TBC1D21: variants seen among roughly 807,000 people sequenced by gnomAD.
TBC1D21 encodes male germ cell Rab GTPase-activating protein.
Under a neutral mutation model 46.0 loss-of-function variants are expected in TBC1D21, and 38 were observed. The ratio of observed to expected loss-of-function variants is 0.83; its 90% confidence interval spans 0.64 to 1.08. The LOEUF (loss-of-function observed/expected upper bound fraction) is 1.08. Ranked by LOEUF, TBC1D21 falls within the 50% of genes least tolerant of loss-of-function variation. The pLI is 0.00. For missense variants in TBC1D21, 415 were observed against 417.9 expected (o/e 0.99, Z 0.06); for synonymous variants, 151 against 157.2 (o/e 0.96, Z 0.29).
chr15:73,889,846 G>A (rs919428556), downstream of TBC1D21, among the ~76,000 whole-genome samples: 1 of 152,210 alleles, frequency 6.6e-6, no homozygotes, highest in African/African-American at 2.4e-5. Flanking sequence ...CATCACACCT[G>A]CTCCCCCAGG....
rs1192097790 is a variant in TBC1D21, at chr15:73,884,144, C to A, written c.273-7C>A. The A allele has an allele frequency of 1.2e-6, 2 of 1,613,204 alleles. No individual in the cohort carries two copies. Among genetic ancestry groups the A allele is most frequent in the Non-Finnish European group, 1.7e-6 (2 of 1,179,186 alleles). ...CACCTTGTTCAGCCTCAGTTCTGTTCTCACAGGAAGAACTACAAGGCCTTA... is the reference window on the plus strand; with the variant it reads ...CACCTTGTTCAGCCTCAGTTCTGTTATCACAGGAAGAACTACAAGGCCTTA... On this transcript the variant is annotated splice_region_variant and splice_polypyrimidine_tract_variant and intron_variant, in intron 3 of 10. Transcript: ENST00000300504.
chr15:73,892,279 G>A (rs144349539), downstream of TBC1D21, among the ~76,000 whole-genome samples: 265 of 152,332 alleles, frequency 1.7e-3, 1 homozygote, highest in African/African-American at 6.3e-3. Flanking sequence ...CTTCCTGGAT[G>A]TGGGACAAAA....
the TBC1D21 span, among the ~76,000 whole-genome samples, chr15:73,906,011 C>T: frequency 5.9e-5 from 9 of 152,190 alleles, no homozygotes; most frequent in Admixed American, 1.3e-4. Context: ...GAAACCCAGG[C>T]TCTCAGCAAG....
chr15:73,885,970 A>T (rs945030537), intron 6 of TBC1D21, 108 bp from the exon 7 acceptor site: 1 of 833,786 alleles, frequency 1.2e-6, no homozygotes, highest in Non-Finnish European at 2.0e-6. Flanking sequence ...CCCAGCGCAC[A>T]GACAGACACA....
the TBC1D21 span, among the ~76,000 whole-genome samples, chr15:73,906,214 T>A: frequency 0.012 from 1,809 of 152,278 alleles, 26 homozygotes; most frequent in Non-Finnish European, 0.019. Context: ...TGAGTTCTGG[T>A]CACAGGTGAC....
intron 7 of TBC1D21, 144 bp from the exon 8 acceptor site, chr15:73,886,368 C>G (rs887326393): frequency 3.6e-5 from 31 of 870,190 alleles, no homozygotes; most frequent in Non-Finnish European, 5.3e-5. Context: ...TCTAAACCAT[C>G]TCCCAGGGCA....
At chr15:73,906,501 A>C in the TBC1D21 span, among the ~76,000 whole-genome samples, 2 of 152,160 alleles carry the variant, frequency 1.3e-5, no homozygotes, top group African/African-American at 4.8e-5. Context: ...GACCAGCCCC[A>C]CTGGTTACAT....
chr15:73,890,157 C>T (rs572059282), downstream of TBC1D21, among the ~76,000 whole-genome samples: 162 of 152,310 alleles, frequency 1.1e-3, no homozygotes, highest in Admixed American at 1.7e-3. Context: ...GCATGGCCAT[C>T]CCTCTCACTC....
At chr15:73,907,416 T>C in the TBC1D21 span, among the ~76,000 whole-genome samples, 71 of 152,352 alleles carry the variant, frequency 4.7e-4, no homozygotes, top group African/African-American at 1.6e-3. Context: ...GAAACGGGCA[T>C]AGACTTTGAA....
chr15:73,904,814 C>T, the TBC1D21 span, among the ~76,000 whole-genome samples: 34 of 151,918 alleles, frequency 2.2e-4, no homozygotes, highest in Non-Finnish European at 3.7e-4. Flanking sequence ...GGAAGAGACA[C>T]GGAGAGAAGA....
chr15:73,904,869 G>A, the TBC1D21 span, among the ~76,000 whole-genome samples: 2 of 152,206 alleles, frequency 1.3e-5, no homozygotes, highest in East Asian at 3.8e-4. Flanking sequence ...CACACAGATG[G>A]AGGGAGGAAG....
downstream of TBC1D21, among the ~76,000 whole-genome samples, chr15:73,889,746 A>G (rs1256857945): frequency 6.6e-6 from 1 of 152,254 alleles, no homozygotes; most frequent in Non-Finnish European, 1.5e-5. Context: ...TCCTCAAGCT[A>G]CATTTTATTT....
At chr15:73,888,645 TTCC>T (rs1268886356) in intron 10 of TBC1D21, 132 bp downstream of exon 10, 128 of 602,836 alleles carry the variant, frequency 2.1e-4, no homozygotes, top group Admixed American at 5.3e-4. Context: ...CCTCTTCTTC[TTCC>T]TCCTCCTCTT....
At chr15:73,886,460 C>A in intron 7 of TBC1D21, 52 bp from the exon 8 acceptor site, 1 of 1,531,938 alleles carries the variant, frequency 6.5e-7, no homozygotes, top group Non-Finnish European at 9.0e-7. Context: ...CATGTGTTTG[C>A]TGCATCATAT....
In TBC1D21 at chr15:73,879,498, G is replaced by A. The variant is rs373252761; in HGVS notation, c.61-1901G>A. 4.5e-4 allele frequency among the ~76,000 whole-genome samples: 68 copies of A among 152,146 alleles called. 3 individuals are homozygous for A. The highest frequency in any genetic ancestry group is 1.4e-3 in the African/African-American group (58 of 41,506). On this transcript the variant is annotated intron_variant, in intron 1 of 10. Transcript: ENST00000300504. ...CTTCCAAAGTGCTGGGATTACAGGC[G>A]TGAGCCACCATGCCTGGCCTGTTTT...
intron 4 of TBC1D21, 69 bp from the exon 5 acceptor site, chr15:73,884,712 A>G: frequency 8.8e-7 from 1 of 1,137,532 alleles, no homozygotes; most frequent in Non-Finnish European, 1.3e-6. Context: ...GGGGTAGGGG[A>G]AGAAATTCAC....
chr15:73,909,002 C>T, the TBC1D21 span, among the ~76,000 whole-genome samples: 1 of 152,324 alleles, frequency 6.6e-6, no homozygotes, highest in African/African-American at 2.4e-5. Context: ...ACCTTGGGCT[C>T]CTAACCTCTC....
the TBC1D21 span, among the ~76,000 whole-genome samples, chr15:73,898,881 ATATATATAT>A: frequency 1.8e-5 from 1 of 54,354 alleles, no homozygotes; most frequent in Non-Finnish European, 4.2e-5. Flanking sequence ...AAAAAAAAAA[ATATATATAT>A]ATATATATAT....
At chr15:73,908,234 C>T in the TBC1D21 span, 1 of 152,358 alleles carries the variant, frequency 6.6e-6, no homozygotes, top group African/African-American at 2.4e-5. Flanking sequence ...ACCACACACA[C>T]ACATAAACAC....
Sources: gnomAD v4.1 joint callset for allele counts (sites outside exome capture counted in the v4.1 genomes callset) on GRCh38, gnomAD v4.1.1 for gene constraint, MANE v1.5 for transcripts, NCBI Gene and HGNC (gene_info 2026-07-23, HGNC 2026-07-21) for gene names.